CCSER1: variants seen among roughly 807,000 people sequenced by gnomAD.
CCSER1 encodes coiled-coil serine rich protein 1.
In CCSER1, 41 loss-of-function variants were observed where a neutral mutation model predicts 82.0. That is an observed-to-expected ratio of 0.50 (90% CI 0.39 to 0.65). CCSER1 has a LOEUF of 0.65. Among genes scored for constraint, CCSER1 ranks in the 30% least tolerant of loss-of-function variants. CCSER1 has a pLI of 0.00. For synonymous variants in CCSER1, 414 were observed against 383.9 expected (o/e 1.08, Z -0.92); for missense variants, 1,119 against 1,064.2 (o/e 1.05, Z -0.72).
chr4:91,243,018 G>C (rs543238935), intron 10 of CCSER1, among the ~76,000 whole-genome samples: 1 of 152,204 alleles, frequency 6.6e-6, no homozygotes, highest in Admixed American at 6.5e-5. Flanking sequence ...GAGGGTCAGA[G>C]ACAGTCTTGA....
intron 10 of CCSER1, among the ~76,000 whole-genome samples, chr4:91,164,944 A>C (rs1731868618): frequency 6.6e-6 from 1 of 152,192 alleles, no homozygotes; most frequent in Non-Finnish European, 1.5e-5. Context: ...AGCTCGTCAA[A>C]GTCATTCTCC....
intron 10 of CCSER1, among the ~76,000 whole-genome samples, chr4:91,104,191 C>A (rs1292267485): frequency 6.6e-6 from 1 of 152,200 alleles, no homozygotes; most frequent in Admixed American, 6.5e-5. Flanking sequence ...ACAATATATG[C>A]ACCACTGAAC....
intron 9 of CCSER1, among the ~76,000 whole-genome samples, chr4:91,046,414 C>G (rs1742492726): frequency 6.6e-6 from 1 of 151,992 alleles, no homozygotes; most frequent in Non-Finnish European, 1.5e-5. Context: ...TAGTAATTAT[C>G]AGAAGTTAAA....
intron 3 of CCSER1, among the ~76,000 whole-genome samples, chr4:90,365,689 A>G (rs1425487454): frequency 1.3e-5 from 2 of 151,898 alleles, no homozygotes; most frequent in African/African-American, 4.8e-5. Flanking sequence ...AAAACCATAA[A>G]TATATAAGCA....
At chr4:90,201,487 G>A (rs1177431879) in intron 1 of CCSER1, among the ~76,000 whole-genome samples, 1 of 150,780 alleles carries the variant, frequency 6.6e-6, no homozygotes, top group African/African-American at 2.4e-5. Flanking sequence ...GTTTTAAAAA[G>A]TTGAACAGGT....
chr4:90,857,254 G>A (rs1194847910), intron 8 of CCSER1, among the ~76,000 whole-genome samples: 1 of 152,052 alleles, frequency 6.6e-6, no homozygotes, highest in South Asian at 2.1e-4. Flanking sequence ...CTTGACTGGG[G>A]AATGACCCAC....
At chr4:90,392,936 T>A (rs1174707160) in intron 3 of CCSER1, among the ~76,000 whole-genome samples, 1 of 152,130 alleles carries the variant, frequency 6.6e-6, no homozygotes, top group Non-Finnish European at 1.5e-5. Context: ...CCAGGTTAAT[T>A]GTCTTTTCAA....
intron 10 of CCSER1, 78 bp from the exon 11 acceptor site, chr4:91,598,494 T>G: frequency 7.2e-7 from 1 of 1,381,738 alleles, no homozygotes; most frequent in Non-Finnish European, 9.6e-7. Context: ...CACAAATGTA[T>G]AAATATCACT....
intron 10 of CCSER1, among the ~76,000 whole-genome samples, chr4:91,257,396 T>G (rs2149159709): frequency 6.6e-6 from 1 of 151,856 alleles, no homozygotes; most frequent in African/African-American, 2.4e-5. Flanking sequence ...CATGAAAAAA[T>G]ACATTTTAAT....
At chr4:91,302,157 T>G (rs1744718392) in intron 10 of CCSER1, among the ~76,000 whole-genome samples, 1 of 151,998 alleles carries the variant, frequency 6.6e-6, no homozygotes, top group African/African-American at 2.4e-5. Flanking sequence ...ACTGCCACAC[T>G]GATATCTTCA....
At chr4:91,107,116 C>T (rs1725691723) in intron 10 of CCSER1, among the ~76,000 whole-genome samples, 1 of 152,108 alleles carries the variant, frequency 6.6e-6, no homozygotes, top group African/African-American at 2.4e-5. Flanking sequence ...AGTATTGAGT[C>T]TAATAACATG....
At chr4:90,705,986 C>T (rs1306658792) in intron 6 of CCSER1, among the ~76,000 whole-genome samples, 1 of 152,150 alleles carries the variant, frequency 6.6e-6, no homozygotes, top group Non-Finnish European at 1.5e-5. Context: ...CTGTCCTGCA[C>T]CCACTGTCTG....
chr4:90,791,874 C>T (rs923231623), intron 7 of CCSER1, among the ~76,000 whole-genome samples: 2 of 149,924 alleles, frequency 1.3e-5, no homozygotes, highest in African/African-American at 2.4e-5. Flanking sequence ...TGCTATTGAA[C>T]ACTTAATAGG....
At chr4:90,608,739 T>C (rs1401696971) in intron 5 of CCSER1, among the ~76,000 whole-genome samples, 3 of 152,130 alleles carry the variant, frequency 2.0e-5, no homozygotes, top group African/African-American at 7.2e-5. Context: ...GAAAATAATA[T>C]ATTCTCACTT....
chr4:91,373,357 T>G (rs1750175790), intron 10 of CCSER1, among the ~76,000 whole-genome samples: 1 of 152,154 alleles, frequency 6.6e-6, no homozygotes, highest in South Asian at 2.1e-4. Flanking sequence ...TTAGCACCAT[T>G]TTCCAACAGC....
intron 4 of CCSER1, among the ~76,000 whole-genome samples, chr4:90,439,139 G>A (rs1031999709): frequency 3.3e-5 from 5 of 151,868 alleles, no homozygotes; most frequent in African/African-American, 1.2e-4. Context: ...TAAAAAATAC[G>A]AAAATTAGTC....
chr4:90,271,722 A>C (rs1726308289), intron 1 of CCSER1, among the ~76,000 whole-genome samples: 1 of 150,400 alleles, frequency 6.6e-6, no homozygotes, highest in Admixed American at 6.6e-5. Context: ...GAATGGGAGA[A>C]AATATTTGCA....
chr4:90,440,906 C>G (rs1011555956), intron 4 of CCSER1, among the ~76,000 whole-genome samples: 3 of 152,000 alleles, frequency 2.0e-5, no homozygotes, highest in Non-Finnish European at 4.4e-5. Context: ...GCCCTATTCT[C>G]AGAGAGCTTT....
chr4:90,821,772 T>A (rs1353453027), intron 8 of CCSER1, among the ~76,000 whole-genome samples: 1 of 152,196 alleles, frequency 6.6e-6, no homozygotes, highest in East Asian at 1.9e-4. Context: ...AGTTTCAGTG[T>A]CTTTCCCTCA....
Sources: allele counts gnomAD v4.1 joint callset (sites outside exome capture counted in the v4.1 genomes callset), GRCh38; gene constraint gnomAD v4.1.1; transcripts MANE v1.5; gene names NCBI Gene and HGNC (gene_info 2026-07-23, HGNC 2026-07-21).